The following PABPC4 variants were observed in gnomAD, a reference collection of about 807,000 sequenced individuals.
The protein encoded by PABPC4 is poly(A) binding protein cytoplasmic 4.
Under a neutral mutation model 74.5 loss-of-function variants are expected in PABPC4, and 15 were observed. The observed-to-expected ratio is 0.20, with a 90% CI of 0.13 to 0.31. PABPC4 has a LOEUF of 0.31. PABPC4 is among the 10% of genes least tolerant of loss of function. PABPC4 has a pLI of 1.00. For missense variants in PABPC4, 610 were observed against 853.5 expected, an observed-to-expected ratio of 0.71 and a Z score of 3.55; for synonymous variants, 345 against 303.0, an observed-to-expected ratio of 1.14 and a Z score of -1.44.
chr1:39,572,956 A>C (rs988529274), intron 1 of PABPC4: 1 of 182,080 alleles, frequency 5.5e-6, no homozygotes, highest in Non-Finnish European at 1.1e-5. Context: ...ACCCACCATG[A>C]CTCAGGTGGG....
rs1477833917 is a variant in PABPC4 at position 39,565,298 on chromosome 1, A to C, written c.1053T>G (p.Thr351=). The change falls in exon 8 of 16, where the codon ACT becomes ACG. Residue 351 remains threonine (T), a synonymous_variant. Transcript: ENST00000372858. The stretch of plus-strand genomic sequence containing the variant: ...AGCCCACAATGCGTCCATTCATCTC[A>C]GTGACTGCTTTGGTTGCTTCTTCAG... ...SSPEEATKAV[T]EMNGRIVGSK... is the part of the protein sequence containing the mutation. 1 of 1,613,960 alleles carries C rather than the reference A, an allele frequency of 6.2e-7. No individual in the cohort carries two copies. The highest frequency in any genetic ancestry group is 1.3e-5 in the African/African-American group (1 of 74,938).
chr1:39,572,581 G>A lies in PABPC4; in HGVS notation c.199C>T (p.Arg67Trp), dbSNP rs781507663. 1.2e-6 allele frequency: 2 copies of A among 1,612,492 alleles called. No individual in the cohort carries two copies. Among genetic ancestry groups the A allele is most frequent in the South Asian group, 1.1e-5 (1 of 90,950 alleles). The part of the protein sequence containing the change: ...VNFQQPADAE[R>W]ALDTMNFDVI... ...TCAAAGTTCATGGTGTCCAAAGCCC[G>A]CTCAGCTGTAAGAGAGAAACACATT... Residue 67 changes from arginine to tryptophan, a missense_variant, in exon 2 of 16, where the codon CGG becomes TGG. This residue lies in a region of PABPC4 where 304 missense variants were observed against 478.9 expected (regional missense o/e 0.63). Transcript: ENST00000372858.
At chr1:39,566,165 T>G (rs774202626) in intron 7 of PABPC4, among the ~76,000 whole-genome samples, 1 of 152,188 alleles carries the variant, frequency 6.6e-6, no homozygotes, top group Non-Finnish European at 1.5e-5. Flanking sequence ...ACCTGGTGGA[T>G]AGCTACTCCG....
chr1:39,572,451 A>G lies in PABPC4; in HGVS notation c.329T>C (p.Ile110Thr). ...NVFIKNLDKSIDNKALYDTFS... is the reference protein window; with the variant it reads ...NVFIKNLDKSTDNKALYDTFS... ...AGTATCATAAAGTGCCTTGTTATCT[A>G]TAGATTTGTCCAGGTTCTTGATGAA... is the stretch of plus-strand genomic sequence containing the variant. Residue 110 changes from isoleucine (I) to threonine (T), a missense_variant, in exon 2 of 16, where the codon ATA (isoleucine) becomes ACA (threonine). Around this residue, in one of 4 missense-constraint regions of PABPC4, gnomAD observed 304 missense variants for 478.9 expected, o/e 0.63. Coordinates refer to ENST00000372858, the MANE Select transcript of PABPC4 (RefSeq NM_001135653.2). 1 of 1,614,136 alleles carries G rather than the reference A, an allele frequency of 6.2e-7. No homozygotes were observed. Among genetic ancestry groups the G allele is most frequent in the Non-Finnish European group, 8.5e-7 (1 of 1,179,968 alleles).
intron 6 of PABPC4, 27 bp downstream of exon 6, chr1:39,568,775 T>C (rs1194857873): frequency 1.2e-6 from 2 of 1,604,972 alleles, no homozygotes; most frequent in Admixed American, 3.4e-5. Context: ...CAAATCCCAT[T>C]GCTAGGCTGG....
At chr1:39,564,567 CATT>C (rs1645808075) in intron 9 of PABPC4, 25 bp from the exon 10 acceptor site, 2 of 1,613,664 alleles carry the variant, frequency 1.2e-6, no homozygotes, top group Non-Finnish European at 1.7e-6. Context: ...AATTGCACAT[CATT>C]GAGAAGTGAT....
rs2124453204 is a variant in PABPC4, at chr1:39,567,643, A to G, written c.972+108T>C. On this transcript the variant is annotated intron_variant, in intron 7 of 15. Transcript: ENST00000372858. ...ATTTTGCTAGAAAAACGTAGTAGCT[A>G]CTTTCAGAAATGAACATAATTTAAA... is the stretch of plus-strand genomic sequence containing the variant. 3 of 723,294 alleles carry G rather than the reference A, an allele frequency of 4.1e-6. No individual in the cohort carries two copies. In the South Asian group the frequency reaches 4.7e-5, roughly 11 times the overall value. The allele number at this position is 723,294 out of a possible 1,614,324, so 44.8% of individuals were successfully genotyped here.
intron 8 of PABPC4, 38 bp from the exon 9 acceptor site, chr1:39,564,811 A>G (rs762504947): frequency 8.1e-6 from 12 of 1,475,978 alleles, no homozygotes; most frequent in Non-Finnish European, 1.1e-5. Flanking sequence ...CCCCTTAAGG[A>G]CTGAACCCAT....
At position 39,569,853 on chromosome 1, in the gene PABPC4, C is replaced by A. The variant is rs751786614; in HGVS notation, c.643+10G>T. 5.6e-6 allele frequency: 9 copies of A among 1,613,534 alleles called. No homozygotes were observed. Among genetic ancestry groups the A allele is most frequent in the Non-Finnish European group, 7.6e-6 (9 of 1,179,742 alleles). On this transcript the variant is annotated intron_variant, in intron 4 of 15. Transcript: ENST00000372858. ...TAGACTGTGAAAGGAGACAAGGAAC[C>A]CCAACTTACCAAACTGACTGAATAG...
chr1:39,563,270 C>A, intron 12 of PABPC4: 1 of 243,950 alleles, frequency 4.1e-6, no homozygotes, highest in Non-Finnish European at 8.0e-6. Context: ...ATTAATGTAC[C>A]AATCATCTTG....
At chr1:39,575,676 TC>T in intron 1 of PABPC4, 82 bp downstream of exon 1, 1 of 1,202,506 alleles carries the variant, frequency 8.3e-7, no homozygotes, top group Non-Finnish European at 1.1e-6. Flanking sequence ...GATGCCGCCC[TC>T]CTCGGCAGGA....
intron 3 of PABPC4, among the ~76,000 whole-genome samples, chr1:39,570,270 A>AT (rs1645919575): frequency 6.6e-6 from 1 of 152,224 alleles, no homozygotes; most frequent in African/African-American, 2.4e-5. Context: ...CCTGATGGCC[A>AT]TGTTTTTAAA....
chr1:39,575,684 A>T, intron 1 of PABPC4, 75 bp downstream of exon 1: 1 of 1,271,322 alleles, frequency 7.9e-7, no homozygotes, highest in Non-Finnish European at 1.1e-6. Flanking sequence ...CCTCCTCGGC[A>T]GGAGGGCCCT....
intron 3 of PABPC4, chr1:39,570,730 A>AT (rs998184540): frequency 1.2e-5 from 2 of 160,496 alleles, no homozygotes; most frequent in African/African-American, 4.8e-5. Flanking sequence ...GTCACCAAGT[A>AT]TTACTGTGGA....
intron 9 of PABPC4, 58 bp from the exon 10 acceptor site, chr1:39,564,600 G>C: frequency 1.2e-6 from 2 of 1,611,602 alleles, no homozygotes; most frequent in Non-Finnish European, 1.7e-6. Flanking sequence ...AACCTAGGCT[G>C]TGCCTCAGAG....
chr1:39,574,170 G>A (rs79536790), intron 1 of PABPC4, among the ~76,000 whole-genome samples: 2,186 of 152,292 alleles, frequency 0.014, 40 homozygotes, highest in African/African-American at 0.049. Context: ...CAGAAGGTGG[G>A]CCTCATCTGT....
Position 39,565,139 on chromosome 1 carries a change from T to G in PABPC4, c.1212A>C (p.Ala404=), listed in dbSNP as rs773717248. The change falls in exon 8 of 16, where the codon GCA becomes GCC. Residue 404 remains alanine (A), a synonymous_variant. Transcript: ENST00000372858. ...ANAILNQFQP[A]AGGYFVPAVP... is the part of the protein sequence containing the mutation. The stretch of plus-strand genomic sequence containing the variant: ...CTGCTGGCACAAAGTAGCCACCCGC[T>G]GCAGGCTGGAACTGATTTAAGATGG... 6.2e-7 allele frequency: 1 copy of G among 1,614,162 alleles called. No homozygotes were observed. The highest frequency in any genetic ancestry group is 2.2e-5 in the East Asian group (1 of 44,890).
chr1:39,561,406 CT>C, intron 15 of PABPC4: 1 of 395,786 alleles, frequency 2.5e-6, no homozygotes, highest in Non-Finnish European at 4.8e-6. Flanking sequence ...TTACCATGTG[CT>C]TTTTCCTTAG....
chr1:39,571,852 GAC>G, intron 2 of PABPC4: 1 of 271,550 alleles, frequency 3.7e-6, no homozygotes, highest in South Asian at 3.8e-5. Context: ...CACCCTGGGT[GAC>G]AGACAGAGCA....
Sources: gnomAD v4.1 joint callset for allele counts (sites outside exome capture counted in the v4.1 genomes callset) on GRCh38, gnomAD v4.1.1 for gene constraint, gnomAD v4.1.1 regional missense constraint, MANE v1.5 for transcripts, NCBI Gene and HGNC (gene_info 2026-07-23, HGNC 2026-07-21) for gene names.